TMEM132C: variants seen among roughly 807,000 people sequenced by gnomAD.
TMEM132C encodes the protein transmembrane protein 132C.
Under a neutral mutation model 61.4 loss-of-function variants are expected in TMEM132C, and 29 were observed. That is an observed-to-expected ratio of 0.47 (90% CI 0.35 to 0.64). The LOEUF is 0.64. Ranked by LOEUF, TMEM132C falls within the 30% of genes least tolerant of loss-of-function variation. TMEM132C has a pLI of 0.00. For missense variants in TMEM132C, 1,408 were observed against 1,476.9 expected (o/e 0.95, Z 0.76); for synonymous variants, 656 against 633.1 (o/e 1.04, Z -0.54).
chr12:128,337,926 A>C (rs1003689076), intron 1 of TMEM132C, among the ~76,000 whole-genome samples: 4 of 152,138 alleles, frequency 2.6e-5, no homozygotes, highest in Admixed American at 6.5e-5. Context: ...GAGACTCTTG[A>C]TGTTATAGTA....
At chr12:128,499,825 T>C (rs1419353438) in intron 2 of TMEM132C, among the ~76,000 whole-genome samples, 1 of 152,232 alleles carries the variant, frequency 6.6e-6, no homozygotes, top group Non-Finnish European at 1.5e-5. Context: ...ATTTTGCTTA[T>C]TGTGAATACT....
chr12:128,455,864 C>T (rs1870323236), intron 2 of TMEM132C, among the ~76,000 whole-genome samples: 1 of 152,056 alleles, frequency 6.6e-6, no homozygotes, highest in Non-Finnish European at 1.5e-5. Flanking sequence ...AGACTGTGGC[C>T]CCAGCAGCAA....
intron 1 of TMEM132C, among the ~76,000 whole-genome samples, chr12:128,292,114 T>A (rs1382605729): frequency 6.6e-6 from 1 of 152,224 alleles, no homozygotes; most frequent in Admixed American, 6.5e-5. Flanking sequence ...CGTAATCAAT[T>A]CCTATGTTTA....
chr12:128,705,339 G>C lies in TMEM132C; in HGVS notation c.2371G>C (p.Gly791Arg). ...TAAACGCAAGAGCATCCTGGCTGTG[G>C]GCGTCGGCAACGTCAGGGTCAAGTT... is the stretch of plus-strand genomic sequence containing the variant. The part of the protein sequence containing the change: ...KSKRKSILAV[G>R]VGNVRVKFGQ... The change falls in exon 9 of 9, where the codon GGC (glycine) becomes CGC (arginine). Residue 791 changes from glycine (G) to arginine (R), a missense_variant. Gly to Arg is a moderately radical substitution (Grantham distance 125). Coordinates refer to ENST00000435159, the MANE Select transcript of TMEM132C (RefSeq NM_001136103.3). 1 of 1,551,448 alleles carries C rather than the reference G, an allele frequency of 6.4e-7. No individual in the cohort carries two copies. Among genetic ancestry groups the C allele is most frequent in the Non-Finnish European group, 8.7e-7 (1 of 1,146,902 alleles).
intron 2 of TMEM132C, among the ~76,000 whole-genome samples, chr12:128,486,913 AC>A (rs1270213945): frequency 8.5e-6 from 1 of 118,192 alleles, no homozygotes; most frequent in Non-Finnish European, 1.9e-5. Flanking sequence ...ACACACACAC[AC>A]ACACACAGCT....
chr12:128,410,256 C>A (rs1287070796), intron 1 of TMEM132C, among the ~76,000 whole-genome samples: 1 of 152,162 alleles, frequency 6.6e-6, no homozygotes, highest in Non-Finnish European at 1.5e-5. Flanking sequence ...TCAGGTTCCT[C>A]AAATGGTGAC....
At chr12:128,622,352 AAAAAAAAAATATATATATATATATAT>A (rs1256465287) in intron 4 of TMEM132C, among the ~76,000 whole-genome samples, 1 of 64,636 alleles carries the variant, frequency 1.5e-5, no homozygotes, top group African/African-American at 7.4e-5. Flanking sequence ...TCAAAAAAAA[AAAAAAAAAATATATATATATATATAT>A]ATATATATAT....
At chr12:128,664,141 G>C (rs1281702123) in intron 4 of TMEM132C, among the ~76,000 whole-genome samples, 2 of 125,260 alleles carry the variant, frequency 1.6e-5, no homozygotes, top group Non-Finnish European at 3.3e-5. Flanking sequence ...CACTCACACA[G>C]GCACACACAC....
At chr12:128,268,075 C>T (rs987676179) in intron 1 of TMEM132C, among the ~76,000 whole-genome samples, 4 of 152,182 alleles carry the variant, frequency 2.6e-5, no homozygotes, top group African/African-American at 4.8e-5. Context: ...TGGCAGAAAC[C>T]AGGGGCTCTC....
At chr12:128,325,969 C>G (rs1453653559) in intron 1 of TMEM132C, among the ~76,000 whole-genome samples, 2 of 152,048 alleles carry the variant, frequency 1.3e-5, no homozygotes, top group South Asian at 4.2e-4. Flanking sequence ...CATATGTGGT[C>G]CCTCGTTGCA....
chr12:128,676,066 G>C lies in TMEM132C; in HGVS notation c.1449+6506G>C, dbSNP rs543802685. ...CAATATATTATCTAATCCATATTCT[G>C]TTTTCCAATTTTGTCAGTTGGCCAA... is the stretch of plus-strand genomic sequence containing the variant. On this transcript the variant is annotated intron_variant, in intron 5 of 8. Coordinates refer to ENST00000435159, the MANE Select transcript of TMEM132C (RefSeq NM_001136103.3). 3.3e-5 allele frequency among the ~76,000 whole-genome samples: 5 copies of C among 152,172 alleles called. No homozygotes were observed. The East Asian group carries it at 9.6e-4, about 29-fold the overall frequency.
At chr12:128,431,376 C>T (rs1869381752) in intron 2 of TMEM132C, among the ~76,000 whole-genome samples, 29 of 152,130 alleles carry the variant, frequency 1.9e-4, no homozygotes, top group Admixed American at 1.8e-3. Flanking sequence ...AAGAAATCAT[C>T]TCCATAACAT....
intron 1 of TMEM132C, among the ~76,000 whole-genome samples, chr12:128,347,556 G>A (rs1873207288): frequency 6.6e-6 from 1 of 152,088 alleles, no homozygotes. Flanking sequence ...AGCCTCCCAA[G>A]TAGCTGGGAT....
chr12:128,500,106 T>G (rs1872109317), intron 2 of TMEM132C, among the ~76,000 whole-genome samples: 1 of 152,138 alleles, frequency 6.6e-6, no homozygotes, highest in South Asian at 2.1e-4. Flanking sequence ...TTCAGTGGGG[T>G]AAACAATAGA....
chr12:128,515,113 G>C (rs1187475601), intron 2 of TMEM132C, among the ~76,000 whole-genome samples: 1 of 152,228 alleles, frequency 6.6e-6, no homozygotes, highest in East Asian at 1.9e-4. Context: ...ATCTTTCATA[G>C]TGGACTTCAT....
intron 2 of TMEM132C, among the ~76,000 whole-genome samples, chr12:128,478,449 A>C (rs533933946): frequency 1.3e-5 from 2 of 152,270 alleles, no homozygotes; most frequent in South Asian, 4.2e-4. Context: ...TTCAGGGAGG[A>C]ATTCCTTCCC....
At chr12:128,667,756 A>C (rs1465550394) in intron 4 of TMEM132C, among the ~76,000 whole-genome samples, 4 of 152,222 alleles carry the variant, frequency 2.6e-5, no homozygotes, top group Non-Finnish European at 5.9e-5. Context: ...TCCATAAAGA[A>C]AAGAATTATA....
At chr12:128,559,156 TACAC>T (rs201561088) in intron 3 of TMEM132C, among the ~76,000 whole-genome samples, 3,697 of 147,834 alleles carry the variant, frequency 0.025, 159 homozygotes, top group African/African-American at 0.087. Flanking sequence ...CACAAACACA[TACAC>T]ACACAAACAC....
intron 2 of TMEM132C, among the ~76,000 whole-genome samples, chr12:128,484,533 T>A (rs1871422382): frequency 2.0e-5 from 3 of 152,162 alleles, no homozygotes; most frequent in Admixed American, 2.0e-4. Flanking sequence ...TATAAACATC[T>A]TACTTTTCAT....
Sources: gnomAD v4.1 joint callset for allele counts (sites outside exome capture counted in the v4.1 genomes callset) on GRCh38, gnomAD v4.1.1 for gene constraint, MANE v1.5 for transcripts, NCBI Gene and HGNC (gene_info 2026-07-23, HGNC 2026-07-21) for gene names.